MBTPS1: variants seen among roughly 807,000 people sequenced by gnomAD.
MBTPS1 encodes the protein membrane bound transcription factor peptidase, site 1, also known as membrane-bound transcription factor site-1 protease.
MBTPS1 carries 94 observed loss-of-function variants against 127.8 expected under a neutral mutation model. That is an observed-to-expected ratio of 0.74 (90% CI 0.62 to 0.87). The LOEUF is 0.87. Among genes scored for constraint, MBTPS1 ranks in the 40% least tolerant of loss-of-function variants. MBTPS1 has a pLI of 0.00. For synonymous variants in MBTPS1, 632 were observed against 509.4 expected (o/e 1.24, Z -3.24); for missense variants, 1,636 against 1,353.2 (o/e 1.21, Z -3.28).
At chr16:84,056,699 A>C (rs1490483878) in intron 21 of MBTPS1, 1 of 152,510 alleles carries the variant, frequency 6.6e-6, no homozygotes, top group Non-Finnish European at 1.5e-5. Flanking sequence ...CTGAGCAGCA[A>C]AACGTGGGGT....
chr16:84,064,862 G>C lies in MBTPS1; in HGVS notation c.2431+828C>G, dbSNP rs372384641. Reference sequence around the variant, plus strand: ...ATATAAAAATAAGTTCTATATTCCAGTTGCAAGTAGATAAGGTGAGAAATC... The same window carrying C: ...ATATAAAAATAAGTTCTATATTCCACTTGCAAGTAGATAAGGTGAGAAATC... On this transcript the variant is annotated intron_variant, in intron 18 of 22. Transcript: ENST00000343411. 5.4e-4 allele frequency among the ~76,000 whole-genome samples: 82 copies of C among 152,300 alleles called. 1 individual carries two copies. The South Asian group carries it at 0.015, about 29-fold the overall frequency.
chr16:84,069,536 T>G (rs750038346), intron 14 of MBTPS1, among the ~76,000 whole-genome samples: 22 of 152,150 alleles, frequency 1.4e-4, no homozygotes, highest in Non-Finnish European at 2.6e-4. Context: ...GACAATGGCA[T>G]GGACTAGGGT....
intron 1 of MBTPS1, among the ~76,000 whole-genome samples, chr16:84,112,162 A>G (rs938425719): frequency 2.6e-5 from 4 of 152,160 alleles, no homozygotes; most frequent in African/African-American, 9.7e-5. Flanking sequence ...AGATAAAGCC[A>G]CTGCATTCCA....
In MBTPS1 at chr16:84,093,172, T is replaced by C; in HGVS notation, c.846+16A>G. On this transcript the variant is annotated intron_variant, in intron 6 of 22. Transcript: ENST00000343411. ...GTATGAATTCCTCAAGTTTCAGGAGTCCTCAAAACACCTACCTGATTATTG... is the reference window on the plus strand; with the variant it reads ...GTATGAATTCCTCAAGTTTCAGGAGCCCTCAAAACACCTACCTGATTATTG... The C allele has an allele frequency of 6.6e-7, 1 of 1,516,480 alleles. No homozygotes were observed. Among genetic ancestry groups the C allele is most frequent in the Non-Finnish European group, 9.2e-7 (1 of 1,091,044 alleles). The allele number at this position is 1,516,480 out of a possible 1,614,324, so 93.9% of individuals were successfully genotyped here. A position where few individuals can be genotyped will look rare whatever the true frequency, so the allele number is the denominator to read the frequency against.
chr16:84,090,423 C>A (rs578002823), intron 8 of MBTPS1, among the ~76,000 whole-genome samples: 1 of 152,316 alleles, frequency 6.6e-6, no homozygotes, highest in South Asian at 2.1e-4. Context: ...GCCAGCACTT[C>A]CCCTGTGAAT....
chr16:84,054,370 C>T lies in MBTPS1; in HGVS notation c.*79G>A. The T allele has an allele frequency of 7.5e-7, 1 of 1,331,400 alleles. No homozygotes were observed. The highest frequency in any genetic ancestry group is 1.0e-6 in the Non-Finnish European group (1 of 992,804). The allele number at this position is 1,331,400 out of a possible 1,614,324, so 82.5% of individuals were successfully genotyped here. A position where few individuals can be genotyped will look rare whatever the true frequency, so the allele number is the denominator to read the frequency against. Reference sequence around the variant, plus strand: ...GGAAACTGGATCCCTTTTAAACCAGCCGCCACCACAGCTCGGCTCACCCAC... The same window carrying T: ...GGAAACTGGATCCCTTTTAAACCAGTCGCCACCACAGCTCGGCTCACCCAC... On this transcript the variant is annotated 3_prime_UTR_variant, in exon 23 of 23. Transcript: ENST00000343411.
intron 20 of MBTPS1, 136 bp downstream of exon 20, chr16:84,060,546 C>G: frequency 1.0e-6 from 1 of 975,748 alleles, no homozygotes; most frequent in Non-Finnish European, 1.5e-6. Context: ...CTGCTCTACC[C>G]GCAGCCATTA....
intron 4 of MBTPS1, among the ~76,000 whole-genome samples, chr16:84,094,807 G>A (rs2086157198): frequency 6.6e-6 from 1 of 152,152 alleles, no homozygotes; most frequent in Non-Finnish European, 1.5e-5. Context: ...TGAAATGCCA[G>A]TCCACCGGGT....
Position 84,101,420 on chromosome 16 carries a change from G to A in MBTPS1, c.163+201C>T, listed in dbSNP as rs142407347. On this transcript the variant is annotated intron_variant, in intron 2 of 22. Transcript: ENST00000343411. ...GCATGAGAATTGCTTGAATCCAGGA[G>A]GTGGAGGTTACAGTGAGCCGAGATC... Among the ~76,000 whole-genome samples the A allele has an allele frequency of 5.6e-3, 848 of 152,040 alleles. 8 individuals are homozygous for A. Among genetic ancestry groups the A allele is most frequent in the African/African-American group, 0.02 (812 of 41,438 alleles).
At chr16:84,066,771 T>G (rs2085690290) in intron 16 of MBTPS1, among the ~76,000 whole-genome samples, 158 bp from the exon 17 acceptor site, 1 of 152,236 alleles carries the variant, frequency 6.6e-6, no homozygotes, top group Non-Finnish European at 1.5e-5. Flanking sequence ...TGGGTAAAAC[T>G]GCAAATTTAA....
intron 15 of MBTPS1, 71 bp downstream of exon 15, chr16:84,068,268 C>T: frequency 1.9e-6 from 2 of 1,065,910 alleles, no homozygotes; most frequent in South Asian, 1.3e-5. Flanking sequence ...CTGGGATTCA[C>T]TCCTCAGACA....
intron 11 of MBTPS1, among the ~76,000 whole-genome samples, chr16:84,078,100 C>G (rs2085887831): frequency 1.2e-5 from 1 of 80,632 alleles, no homozygotes. Context: ...GGCACTCACG[C>G]ACACTGCTCA....
At position 84,070,783 on chromosome 16, in the gene MBTPS1, G is replaced by T; in HGVS notation, c.1594-7C>A. ...AATAGGGCTGCCAGTCAGGCTGCAG[G>T]AAAAAGAAATCAGACAAAGGCTAAA... On this transcript the variant is annotated splice_polypyrimidine_tract_variant and splice_region_variant and intron_variant, in intron 12 of 22. Transcript: ENST00000343411. 3 of 1,594,330 alleles carry T rather than the reference G, an allele frequency of 1.9e-6. No homozygotes were observed. Among genetic ancestry groups the T allele is most frequent in the Non-Finnish European group, 2.6e-6 (3 of 1,170,660 alleles).
intron 1 of MBTPS1, among the ~76,000 whole-genome samples, chr16:84,103,193 G>A (rs773523753): frequency 1.3e-5 from 2 of 152,076 alleles, no homozygotes; most frequent in African/African-American, 4.8e-5. Context: ...CAGCAGGGTA[G>A]GGGATGGGTA....
chr16:84,076,354 C>G (rs957781158), intron 11 of MBTPS1, among the ~76,000 whole-genome samples: 1 of 152,052 alleles, frequency 6.6e-6, no homozygotes, highest in Non-Finnish European at 1.5e-5. Flanking sequence ...CGGAGAAATA[C>G]AAGAGGCATT....
At chr16:84,096,276 G>A (rs1364526482) in intron 3 of MBTPS1, among the ~76,000 whole-genome samples, 1 of 152,122 alleles carries the variant, frequency 6.6e-6, no homozygotes, top group Non-Finnish European at 1.5e-5. Context: ...TAAAACAACT[G>A]TATATTGCTC....
intron 12 of MBTPS1, among the ~76,000 whole-genome samples, chr16:84,071,290 A>G (rs1163751734): frequency 6.6e-6 from 1 of 152,236 alleles, no homozygotes; most frequent in Admixed American, 6.5e-5. Context: ...TCCAGGTGGG[A>G]GAAAAGCAGA....
chr16:84,109,111 C>A (rs1274637505), intron 1 of MBTPS1, among the ~76,000 whole-genome samples: 1 of 152,218 alleles, frequency 6.6e-6, no homozygotes, highest in East Asian at 1.9e-4. Flanking sequence ...AAATATCACT[C>A]TCCACTAAAA....
intron 17 of MBTPS1, 25 bp from the exon 18 acceptor site, chr16:84,065,792 G>T: frequency 6.9e-7 from 1 of 1,453,080 alleles, no homozygotes; most frequent in South Asian, 1.3e-5. Context: ...TCAAAGTCAA[G>T]GGAACACAGG....
Sources: allele counts gnomAD v4.1 joint callset (sites outside exome capture counted in the v4.1 genomes callset), GRCh38; gene constraint gnomAD v4.1.1; transcripts MANE v1.5; gene names NCBI Gene and HGNC (gene_info 2026-07-23, HGNC 2026-07-21).